MCCC2: variants seen among roughly 807,000 people sequenced by gnomAD.
The protein encoded by MCCC2 is methylcrotonoyl-CoA carboxylase beta chain, mitochondrial.
In MCCC2, 52 loss-of-function variants were observed where a neutral mutation model predicts 77.2. The ratio of observed to expected loss-of-function variants is 0.67; its 90% CI spans 0.54 to 0.85. MCCC2 has a LOEUF of 0.85. Ranked by LOEUF, MCCC2 falls within the 40% of genes least tolerant of loss-of-function variation. The pLI, the probability that MCCC2 is intolerant of heterozygous loss-of-function variation, is 0.00. For synonymous variants in MCCC2, 253 were observed against 248.4 expected, an observed-to-expected ratio of 1.02 and a Z score of -0.18; for missense variants, 682 against 703.2, an observed-to-expected ratio of 0.97 and a Z score of 0.34.
rs141541607 is a variant in MCCC2 at position 71,628,273 on chromosome 5, C to T, written c.738+1520C>T. ...TAGTTGTAAGAATTCTATATGTGTT[C>T]TGAATACAAGTCCCTTATTAGATTT... On this transcript the variant is annotated intron_variant, in intron 7 of 16. Transcript: ENST00000340941. Among the ~76,000 whole-genome samples, 17 of 152,300 alleles carry T rather than the reference C, an allele frequency of 1.1e-4. No individual in the cohort carries two copies. In the East Asian group the frequency reaches 3.3e-3, roughly 29 times the overall value.
intron 6 of MCCC2, among the ~76,000 whole-genome samples, chr5:71,623,606 T>G (rs1746432408): frequency 6.6e-6 from 1 of 152,130 alleles, no homozygotes; most frequent in Non-Finnish European, 1.5e-5. Flanking sequence ...GAGGTGACAA[T>G]CCATCACTTG....
At chr5:71,640,328 T>A (rs1747085994) in intron 10 of MCCC2, among the ~76,000 whole-genome samples, 1 of 150,990 alleles carries the variant, frequency 6.6e-6, no homozygotes. Flanking sequence ...TATCCTTTTA[T>A]TTTTTTTTCT....
At position 71,621,679 on chromosome 5, in the gene MCCC2, TA is replaced by T. The variant is rs1485163494; in HGVS notation, c.625-4960del. ...TATCTCTGTTTTTTAATTTAATTTTTATTTCTGTCATCAGAATTTGCTTTTA... is the reference window on the plus strand; with the variant it reads ...TATCTCTGTTTTTTAATTTAATTTTTTTTCTGTCATCAGAATTTGCTTTTA... On this transcript the variant is annotated intron_variant, in intron 6 of 16. Coordinates refer to ENST00000340941, the MANE Select transcript of MCCC2 (RefSeq NM_022132.5). Among the ~76,000 whole-genome samples the T allele has an allele frequency of 4.6e-5, 7 of 152,312 alleles. No individual in the cohort carries two copies. In the East Asian group the frequency reaches 1.2e-3, roughly 25 times the overall value.
intron 1 of MCCC2, among the ~76,000 whole-genome samples, chr5:71,591,058 G>A (rs775594077): frequency 6.6e-6 from 1 of 152,162 alleles, no homozygotes; most frequent in Non-Finnish European, 1.5e-5. Context: ...CAGAGCAAGA[G>A]AATGTAGCAG....
intron 6 of MCCC2, among the ~76,000 whole-genome samples, chr5:71,607,730 C>T (rs1305548669): frequency 1.3e-5 from 2 of 150,144 alleles, no homozygotes; most frequent in Non-Finnish European, 3.0e-5. Flanking sequence ...ATAAATTTCC[C>T]TCTACACACT....
rs768295751 is a variant in MCCC2, at chr5:71,635,065, T to C, written c.903+23T>C. 8.1e-6 allele frequency: 13 copies of C among 1,613,096 alleles called. No homozygotes were observed. The South Asian group carries it at 1.4e-4, about 18-fold the overall frequency. ...GATGTGAGTACGATATGTTCTTATA[T>C]CTTTTATTTTCCTGAAATGCATTTT... On this transcript the variant is annotated intron_variant, in intron 9 of 16. Coordinates refer to ENST00000340941, the MANE Select transcript of MCCC2 (RefSeq NM_022132.5).
chr5:71,620,900 C>T (rs1746329379), intron 6 of MCCC2, among the ~76,000 whole-genome samples: 1 of 152,092 alleles, frequency 6.6e-6, no homozygotes, highest in African/African-American at 2.4e-5. Flanking sequence ...CAGAGCAGGC[C>T]CATCTCACTG....
At chr5:71,649,813 T>A (rs562715827) in intron 14 of MCCC2, among the ~76,000 whole-genome samples, 1 of 152,284 alleles carries the variant, frequency 6.6e-6, no homozygotes, top group Admixed American at 6.5e-5. Context: ...TGACTGTAGA[T>A]CATGAGAGGA....
At position 71,604,392 on chromosome 5, in the gene MCCC2, A is replaced by G; in HGVS notation, c.548A>G (p.Asp183Gly). 1.2e-6 allele frequency: 2 copies of G among 1,614,076 alleles called. No homozygotes were observed. Among genetic ancestry groups the G allele is most frequent in the Non-Finnish European group, 1.7e-6 (2 of 1,180,014 alleles). The part of the protein sequence containing the change: ...SGGAYLPRQA[D>G]VFPDRDHFGR... ...GGAGCATACTTACCTCGACAAGCAG[A>G]TGTGTTTCCAGATCGAGACCACTTT... is the stretch of plus-strand genomic sequence containing the variant. The change falls in exon 6 of 17, where the codon GAT becomes GGT. Residue 183 changes from aspartate to glycine, a missense_variant. Coordinates refer to ENST00000340941, the MANE Select transcript of MCCC2 (RefSeq NM_022132.5).
intron 16 of MCCC2, among the ~76,000 whole-genome samples, chr5:71,655,707 G>A (rs1436381375): frequency 6.6e-6 from 1 of 152,160 alleles, no homozygotes; most frequent in Non-Finnish European, 1.5e-5. Flanking sequence ...ACCGAAGGGA[G>A]TTTATATAAA....
At chr5:71,611,947 C>T (rs1212818918) in intron 6 of MCCC2, among the ~76,000 whole-genome samples, 1 of 151,966 alleles carries the variant, frequency 6.6e-6, no homozygotes, top group Non-Finnish European at 1.5e-5. Flanking sequence ...CACCACCATG[C>T]CCGGCTAATT....
At chr5:71,604,137 A>G (rs1252359114) in intron 5 of MCCC2, among the ~76,000 whole-genome samples, 1 of 152,154 alleles carries the variant, frequency 6.6e-6, no homozygotes, top group African/African-American at 2.4e-5. Flanking sequence ...TTTCGAGAAG[A>G]ATTTTGCACA....
At chr5:71,593,804 C>G (rs562606937) in intron 2 of MCCC2, among the ~76,000 whole-genome samples, 2 of 152,170 alleles carry the variant, frequency 1.3e-5, no homozygotes, top group South Asian at 4.1e-4. Flanking sequence ...GTATATAATA[C>G]TTAAAATTGT....
At chr5:71,646,423 A>G (rs1747276764) in intron 13 of MCCC2, 146 bp downstream of exon 13, 1 of 700,474 alleles carries the variant, frequency 1.4e-6, no homozygotes, top group Non-Finnish European at 2.5e-6. Flanking sequence ...GCCCTTTAAG[A>G]GTTAGCACTT....
Position 71,648,761 on chromosome 5 carries a change from C to A in MCCC2, c.1217-336C>A, listed in dbSNP as rs1169233898. On this transcript the variant is annotated intron_variant, in intron 13 of 16. Transcript: ENST00000340941. ...AACACCTGGCCTCAACTGATCCTCC[C>A]GCTTAGGCTTCCCAAATTGTTGGTA... Among the ~76,000 whole-genome samples, 3 of 152,300 alleles carry A rather than the reference C, an allele frequency of 2.0e-5. No individual in the cohort carries two copies. The East Asian group carries it at 5.8e-4, about 29-fold the overall frequency.
intron 3 of MCCC2, among the ~76,000 whole-genome samples, chr5:71,599,375 A>G (rs1156420664): frequency 1.3e-5 from 2 of 152,058 alleles, no homozygotes; most frequent in East Asian, 2.0e-4. Flanking sequence ...ATCTCAAAAA[A>G]CAACAACAAC....
chr5:71,636,810 G>A (rs908139809), intron 10 of MCCC2: 5 of 151,350 alleles, frequency 3.3e-5, no homozygotes, highest in South Asian at 2.1e-4. Flanking sequence ...ACCCTTTTTC[G>A]TGTAACCACT....
chr5:71,646,206 T>G lies in MCCC2; in HGVS notation c.1150-5T>G, dbSNP rs1194072194. 6.2e-7 allele frequency: 1 copy of G among 1,612,852 alleles called. No homozygotes were observed. The highest frequency in any genetic ancestry group is 8.5e-7 in the Non-Finnish European group (1 of 1,178,984). ...TAAAAAGATTTTTATGTTATTTGCT[T>G]ATAGGGTACTCACTTTGTCCAGTTA... On this transcript the variant is annotated splice_region_variant and splice_polypyrimidine_tract_variant and intron_variant, in intron 12 of 16. Transcript: ENST00000340941.
Position 71,620,439 on chromosome 5 carries a change from C to T in MCCC2, c.625-6201C>T, listed in dbSNP as rs79968232. On this transcript the variant is annotated intron_variant, in intron 6 of 16. Transcript: ENST00000340941. The stretch of plus-strand genomic sequence containing the variant: ...AGCAGTTGGACCTTTTTTCTCCCTC[C>T]AAGTTATATTACATTTATCACAGCA... 1.3e-4 allele frequency among the ~76,000 whole-genome samples: 20 copies of T among 152,090 alleles called. No homozygotes were observed. The East Asian group carries it at 3.9e-3, about 29-fold the overall frequency.
Sources: allele counts gnomAD v4.1 joint callset (sites outside exome capture counted in the v4.1 genomes callset), GRCh38; gene constraint gnomAD v4.1.1; transcripts MANE v1.5; gene names NCBI Gene and HGNC (gene_info 2026-07-23, HGNC 2026-07-21).